MACROD2: variants seen among roughly 807,000 people sequenced by gnomAD.
MACROD2 encodes ADP-ribose glycohydrolase MACROD2.
A neutral mutation model predicts 70.4 loss-of-function variants in MACROD2; 36 were observed. That is an observed-to-expected ratio of 0.51 (90% confidence interval 0.39 to 0.68). The LOEUF (loss-of-function observed/expected upper bound fraction) is 0.68, where lower values mean the gene tolerates loss of function less well. MACROD2 is among the 30% of genes least tolerant of loss of function. The pLI is 0.00. For missense variants in MACROD2, 496 were observed against 538.4 expected (o/e 0.92, Z 0.78); for synonymous variants, 172 against 178.8 (o/e 0.96, Z 0.30).
intron 4 of MACROD2, among the ~76,000 whole-genome samples, chr20:14,521,351 G>T (rs2058505814): frequency 6.6e-6 from 1 of 152,160 alleles, no homozygotes. Context: ...TGGGGAGCCA[G>T]TAAATAGCAA....
At chr20:15,979,380 A>G (rs981093411) in intron 13 of MACROD2, among the ~76,000 whole-genome samples, 3 of 152,262 alleles carry the variant, frequency 2.0e-5, no homozygotes, top group Admixed American at 6.5e-5. Flanking sequence ...TTCCAGTGCC[A>G]TTTCTAAACA....
At chr20:15,371,807 G>A (rs2045498113) in intron 6 of MACROD2, among the ~76,000 whole-genome samples, 1 of 152,054 alleles carries the variant, frequency 6.6e-6, no homozygotes, top group Non-Finnish European at 1.5e-5. Flanking sequence ...AGGAAACATT[G>A]AAATCCCTTT....
chr20:14,683,409 A>G (rs1600535658), intron 4 of MACROD2, among the ~76,000 whole-genome samples: 2 of 152,190 alleles, frequency 1.3e-5, no homozygotes, highest in Admixed American at 1.3e-4. Flanking sequence ...GGAGCATGCC[A>G]TATCTGGTAA....
At chr20:14,207,146 C>T (rs151183751) in intron 3 of MACROD2, among the ~76,000 whole-genome samples, 2,884 of 151,954 alleles carry the variant, frequency 0.019, 36 homozygotes, top group Non-Finnish European at 0.031. Context: ...TGCTCTGTCA[C>T]TCAGGCTGGA....
At chr20:14,065,239 C>T (rs1300879532) in intron 2 of MACROD2, among the ~76,000 whole-genome samples, 1 of 152,146 alleles carries the variant, frequency 6.6e-6, no homozygotes, top group East Asian at 1.9e-4. Context: ...TTGATTCTCC[C>T]TCTTGGTGTT....
intron 5 of MACROD2, among the ~76,000 whole-genome samples, chr20:15,216,189 A>G (rs1045774153): frequency 5.3e-5 from 8 of 152,134 alleles, no homozygotes; most frequent in Middle Eastern, 3.2e-3. Context: ...TAATATAACT[A>G]AAAAGTATAA....
chr20:15,072,212 T>A (rs1204192432), intron 5 of MACROD2, among the ~76,000 whole-genome samples: 1 of 152,206 alleles, frequency 6.6e-6, no homozygotes, highest in Non-Finnish European at 1.5e-5. Context: ...CAATGATTCC[T>A]TTGTTGACAA....
intron 5 of MACROD2, among the ~76,000 whole-genome samples, chr20:14,927,137 T>G (rs566888819): frequency 6.6e-6 from 1 of 152,206 alleles, no homozygotes; most frequent in South Asian, 2.1e-4. Flanking sequence ...ACATATCGAG[T>G]GTGGATCCCG....
intron 5 of MACROD2, among the ~76,000 whole-genome samples, chr20:14,981,432 GTA>G (rs747438726): frequency 0.02 from 2,827 of 141,430 alleles, 56 homozygotes; most frequent in African/African-American, 0.049. Context: ...ATATGTATAT[GTA>G]TATATATATA....
intron 5 of MACROD2, among the ~76,000 whole-genome samples, chr20:14,855,597 GTTTTTTTTTTTTTT>G (rs71190156): frequency 4.5e-4 from 35 of 77,240 alleles, no homozygotes; most frequent in African/African-American, 1.7e-3. Flanking sequence ...ATCCTACCAA[GTTTTTTTTTTTTTT>G]TTTTTTTTTT....
intron 8 of MACROD2, among the ~76,000 whole-genome samples, chr20:15,576,152 CT>C (rs1344024170): frequency 1.3e-5 from 2 of 151,906 alleles, no homozygotes; most frequent in East Asian, 3.9e-4. Flanking sequence ...CTCTTTCTTT[CT>C]TTTTCTGTGA....
intron 3 of MACROD2, among the ~76,000 whole-genome samples, chr20:14,264,911 G>C (rs1026171073): frequency 6.6e-6 from 1 of 152,196 alleles, no homozygotes; most frequent in Admixed American, 6.5e-5. Flanking sequence ...ACTGAATTTT[G>C]TTGAGGGGCA....
rs144044902 is a variant in MACROD2, at chr20:14,505,979, A to G, written c.301+12471A>G. Among the ~76,000 whole-genome samples the G allele has an allele frequency of 6.7e-3, 1,024 of 152,294 alleles. 3 individuals carry two copies. Among genetic ancestry groups the G allele is most frequent in the African/African-American group, 0.023 (953 of 41,556 alleles). ...AAAACTGCTGAACTTCATAGTTGGA[A>G]TCTATGGCAACCTTGCTCCCACCCT... is the stretch of plus-strand genomic sequence containing the variant. On this transcript the variant is annotated intron_variant, in intron 4 of 17. Transcript: ENST00000684519.
intron 3 of MACROD2, among the ~76,000 whole-genome samples, chr20:14,274,196 A>G (rs920215839): frequency 2.0e-4 from 30 of 152,202 alleles, no homozygotes; most frequent in African/African-American, 7.0e-4. Context: ...TAGCCAAAAA[A>G]GAGAATTTTA....
At chr20:14,559,153 G>T (rs931127692) in intron 4 of MACROD2, among the ~76,000 whole-genome samples, 6 of 151,804 alleles carry the variant, frequency 4.0e-5, no homozygotes, top group African/African-American at 1.2e-4. Context: ...TTTATATTTG[G>T]TAGCAATAAA....
intron 4 of MACROD2, among the ~76,000 whole-genome samples, chr20:14,499,734 G>A (rs759232936): frequency 6.6e-5 from 10 of 151,942 alleles, no homozygotes; most frequent in African/African-American, 1.4e-4. Flanking sequence ...CCTCCTCCCC[G>A]TCTTCTGTCC....
At chr20:15,505,948 A>C (rs2047420723) in intron 8 of MACROD2, among the ~76,000 whole-genome samples, 1 of 152,204 alleles carries the variant, frequency 6.6e-6, no homozygotes, top group African/African-American at 2.4e-5. Flanking sequence ...TCATTTAAAT[A>C]GTTTACTCTG....
intron 5 of MACROD2, among the ~76,000 whole-genome samples, chr20:14,936,131 A>T (rs537087182): frequency 6.6e-6 from 1 of 152,310 alleles, no homozygotes; most frequent in South Asian, 2.1e-4. Context: ...TAATATGAGT[A>T]TGTGGTATAA....
At chr20:15,583,074 T>G (rs2048548615) in intron 8 of MACROD2, among the ~76,000 whole-genome samples, 1 of 152,150 alleles carries the variant, frequency 6.6e-6, no homozygotes, top group Non-Finnish European at 1.5e-5. Context: ...CAGTGTGGTC[T>G]ACCGGTTTGT....
Sources: gnomAD v4.1 joint callset for allele counts (sites outside exome capture counted in the v4.1 genomes callset) on GRCh38, gnomAD v4.1.1 for gene constraint, MANE v1.5 for transcripts, NCBI Gene and HGNC (gene_info 2026-07-23, HGNC 2026-07-21) for gene names.